CNTN1: variants seen among roughly 807,000 people sequenced by gnomAD.
CNTN1 encodes the protein contactin 1, also known as contactin-1.
Under a neutral mutation model 126.4 loss-of-function variants are expected in CNTN1, and 38 were observed. The observed-to-expected ratio is 0.30, with a 90% CI of 0.23 to 0.39. The LOEUF (loss-of-function observed/expected upper bound fraction) is 0.39, where lower values mean the gene tolerates loss of function less well. Among genes scored for constraint, CNTN1 ranks in the 10% least tolerant of loss-of-function variants. The probability of loss-of-function intolerance (pLI) is 1.00; values close to 1 mark genes in which losing one functional copy is unlikely to be tolerated. For synonymous variants in CNTN1, 413 were observed against 422.6 expected (o/e 0.98, Z 0.28); for missense variants, 1,009 against 1,248.4 (o/e 0.81, Z 2.89).
intron 1 of CNTN1, among the ~76,000 whole-genome samples, chr12:40,840,038 A>G (rs1483100395): frequency 2.6e-5 from 4 of 152,130 alleles, no homozygotes; most frequent in Non-Finnish European, 4.4e-5. Context: ...TCTCCACTTA[A>G]AAGTTATAGA....
intron 1 of CNTN1, among the ~76,000 whole-genome samples, chr12:40,750,953 A>C (rs1938384688): frequency 1.3e-5 from 2 of 152,112 alleles, no homozygotes; most frequent in Non-Finnish European, 2.9e-5. Context: ...GAGTGAGAAG[A>C]AGCCAAGGTC....
intron 1 of CNTN1, among the ~76,000 whole-genome samples, chr12:40,706,485 T>C (rs1253511502): frequency 6.6e-6 from 1 of 152,142 alleles, no homozygotes; most frequent in Non-Finnish European, 1.5e-5. Context: ...TCCATACTTA[T>C]GTCCATGTCT....
chr12:40,987,604 T>C (rs2120451907), intron 16 of CNTN1, among the ~76,000 whole-genome samples: 1 of 152,314 alleles, frequency 6.6e-6, no homozygotes, highest in South Asian at 2.1e-4. Context: ...GAATAGATTA[T>C]GCAACATGAA....
At chr12:40,855,780 G>T (rs1439245455) in intron 1 of CNTN1, among the ~76,000 whole-genome samples, 3 of 152,066 alleles carry the variant, frequency 2.0e-5, no homozygotes, top group African/African-American at 7.2e-5. Context: ...ACCTTTGGGA[G>T]AATGTTACTT....
intron 1 of CNTN1, among the ~76,000 whole-genome samples, chr12:40,809,600 G>A (rs1183682716): frequency 2.0e-5 from 3 of 152,122 alleles, no homozygotes; most frequent in Admixed American, 6.5e-5. Context: ...CAAGGCAGGC[G>A]GATCACGAGG....
intron 1 of CNTN1, among the ~76,000 whole-genome samples, chr12:40,740,737 T>C (rs761983184): frequency 1.3e-5 from 2 of 151,994 alleles, no homozygotes; most frequent in South Asian, 2.1e-4. Context: ...TGGGAGGTAA[T>C]TGAATTATGG....
intron 1 of CNTN1, among the ~76,000 whole-genome samples, chr12:40,848,846 G>GTTTTTT (rs1942613680): frequency 7.3e-6 from 1 of 137,206 alleles, no homozygotes. Context: ...TTTTTTTCCA[G>GTTTTTT]TAACAGTAGG....
intron 1 of CNTN1, among the ~76,000 whole-genome samples, chr12:40,861,576 G>A (rs1334263384): frequency 6.6e-6 from 1 of 151,736 alleles, no homozygotes; most frequent in African/African-American, 2.4e-5. Context: ...AATACTGCTG[G>A]ATTGCTCCCC....
intron 1 of CNTN1, among the ~76,000 whole-genome samples, chr12:40,783,028 G>A (rs914618639): frequency 1.3e-5 from 2 of 151,848 alleles, no homozygotes; most frequent in Non-Finnish European, 2.9e-5. Flanking sequence ...TAGCATAAGG[G>A]AAATTTTCAA....
At chr12:40,972,384 G>A in intron 15 of CNTN1, 1 of 984,080 alleles carries the variant, frequency 1.0e-6, no homozygotes, top group Non-Finnish European at 1.2e-6. Flanking sequence ...TCAAAGAGAT[G>A]TGCTTAAAAT....
chr12:40,919,822 G>C (rs1945374005), intron 4 of CNTN1, among the ~76,000 whole-genome samples: 2 of 151,974 alleles, frequency 1.3e-5, no homozygotes, highest in Admixed American at 1.3e-4. Context: ...ATATAAGTAG[G>C]TATTTTATAA....
At chr12:40,902,994 T>C (rs1944663375) in intron 1 of CNTN1, among the ~76,000 whole-genome samples, 1 of 152,200 alleles carries the variant, frequency 6.6e-6, no homozygotes, top group Admixed American at 6.5e-5. Flanking sequence ...CGAAGATGTG[T>C]CATACTGCCT....
At chr12:40,894,411 A>C (rs560383155) in intron 1 of CNTN1, among the ~76,000 whole-genome samples, 1 of 152,280 alleles carries the variant, frequency 6.6e-6, no homozygotes, top group Admixed American at 6.5e-5. Context: ...TAATGTATTA[A>C]TATTAGCTCA....
chr12:40,957,927 C>T (rs914732217), intron 14 of CNTN1, among the ~76,000 whole-genome samples: 11 of 151,944 alleles, frequency 7.2e-5, no homozygotes, highest in African/African-American at 9.7e-5. Context: ...CTGGAGGGAA[C>T]ATGATATATG....
chr12:40,988,286 G>A (rs1025075898), intron 16 of CNTN1, among the ~76,000 whole-genome samples: 2 of 152,130 alleles, frequency 1.3e-5, no homozygotes, highest in Non-Finnish European at 2.9e-5. Flanking sequence ...GGTTTGTTCT[G>A]CGTACTTACA....
chr12:41,046,546 A>T (rs1012262514), intron 23 of CNTN1, among the ~76,000 whole-genome samples: 2 of 152,104 alleles, frequency 1.3e-5, no homozygotes, highest in Non-Finnish European at 2.9e-5. Flanking sequence ...ATTTCAATAC[A>T]ATAGGTTTTT....
chr12:40,860,540 C>T (rs1050495861), intron 1 of CNTN1, among the ~76,000 whole-genome samples: 2 of 152,090 alleles, frequency 1.3e-5, no homozygotes. Flanking sequence ...CAGGCTCCCA[C>T]GACATCTTAC....
At chr12:40,895,228 A>G (rs1449756810) in intron 1 of CNTN1, among the ~76,000 whole-genome samples, 2 of 152,158 alleles carry the variant, frequency 1.3e-5, no homozygotes, top group African/African-American at 2.4e-5. Flanking sequence ...TCCTGGGAAA[A>G]TTGTAGAACA....
intron 1 of CNTN1, among the ~76,000 whole-genome samples, chr12:40,726,643 A>T (rs1405105040): frequency 6.6e-6 from 1 of 152,190 alleles, no homozygotes; most frequent in African/African-American, 2.4e-5. Flanking sequence ...TGGAAGTGAG[A>T]TTTGGGTGGG....
Sources: allele counts gnomAD v4.1 joint callset (sites outside exome capture counted in the v4.1 genomes callset), GRCh38; gene constraint gnomAD v4.1.1; transcripts MANE v1.5; gene names NCBI Gene and HGNC (gene_info 2026-07-23, HGNC 2026-07-21).